The following MAST4 variants were observed in gnomAD, a reference collection of about 807,000 sequenced individuals.
MAST4 encodes the protein microtubule associated serine/threonine kinase family member 4.
Under a neutral mutation model 162.7 loss-of-function variants are expected in MAST4, and 89 were observed. The ratio of observed to expected loss-of-function variants is 0.55; its 90% CI spans 0.46 to 0.65. The LOEUF is 0.65. MAST4 is among the 30% of genes least tolerant of loss of function. The probability of loss-of-function intolerance (pLI) is 0.00; values close to 1 mark genes in which losing one functional copy is unlikely to be tolerated. For missense variants in MAST4, 3,153 were observed against 3,374.0 expected, an observed-to-expected ratio of 0.93 and a Z score of 1.62; for synonymous variants, 1,479 against 1,361.1, an observed-to-expected ratio of 1.09 and a Z score of -1.91.
chr5:66,772,259 T>G (rs997983031), intron 2 of MAST4, among the ~76,000 whole-genome samples: 1 of 152,098 alleles, frequency 6.6e-6, no homozygotes, highest in Non-Finnish European at 1.5e-5. Flanking sequence ...ATTTACAGAG[T>G]TGGACATAGG....
chr5:67,124,469 TAAAAG>T lies in MAST4; in HGVS notation c.1745+3369_1745+3373del, dbSNP rs1467059631. Among the ~76,000 whole-genome samples the T allele has an allele frequency of 1.1e-4, 17 of 152,038 alleles. 1 individual carries two copies. Among genetic ancestry groups the T allele is most frequent in the African/African-American group, 2.4e-5 (1 of 41,460 alleles). On this transcript the variant is annotated intron_variant, in intron 14 of 28. Coordinates refer to ENST00000403625, the MANE Select transcript of MAST4 (RefSeq NM_001164664.2). The stretch of plus-strand genomic sequence containing the variant: ...TTTAAGCACATTTGGAACATCAACT[TAAAAG>T]AGAAAAGGTGTATGTGAGAGACAAC...
intron 5 of MAST4, among the ~76,000 whole-genome samples, chr5:67,065,069 G>A (rs2150619693): frequency 6.6e-6 from 1 of 152,214 alleles, no homozygotes; most frequent in South Asian, 2.1e-4. Context: ...AAATGACAAT[G>A]TATTAGTATA....
At chr5:67,121,663 A>G (rs983457685) in intron 14 of MAST4, among the ~76,000 whole-genome samples, 2 of 150,732 alleles carry the variant, frequency 1.3e-5, no homozygotes, top group African/African-American at 4.9e-5. Flanking sequence ...AACACGAACA[A>G]CAGCTGATGA....
chr5:67,019,870 C>T (rs182128891), intron 4 of MAST4, among the ~76,000 whole-genome samples: 48 of 152,178 alleles, frequency 3.2e-4, no homozygotes, highest in African/African-American at 1.1e-3. Flanking sequence ...CTTCCAAAAC[C>T]GTCTAGTTGA....
chr5:66,852,065 G>A (rs762829766), intron 3 of MAST4, among the ~76,000 whole-genome samples: 1 of 152,138 alleles, frequency 6.6e-6, no homozygotes, highest in East Asian at 1.9e-4. Flanking sequence ...TGTTATAATG[G>A]AAGTTTACTA....
chr5:67,135,995 T>C (rs539907258), intron 18 of MAST4, among the ~76,000 whole-genome samples: 93 of 152,358 alleles, frequency 6.1e-4, no homozygotes, highest in Middle Eastern at 3.4e-3. Flanking sequence ...TGGGTTTTTT[T>C]TTCTTCTTCA....
In MAST4 at chr5:67,163,608, C is replaced by T. The variant is rs1356616830; in HGVS notation, c.4429C>T (p.Arg1477Trp). The stretch of plus-strand genomic sequence containing the variant: ...GGAGGTGACCCAAGAGGAGGTGCAG[C>T]GGGAGCAGTCCCAGCGGGAGGCGCC... The part of the protein sequence containing the change: ...SLEVTQEEVQ[R>W]EQSQREAPLQ... Residue 1477 changes from arginine to tryptophan, a missense_variant, in exon 29 of 29, where the codon CGG becomes TGG. Arg to Trp is a moderately radical substitution (Grantham distance 101). Around this residue, in one of 7 missense-constraint regions of MAST4, gnomAD observed 1,644 missense variants for 1,495.0 expected, o/e 1.10. Transcript: ENST00000403625. This position sits in a 1 kb window ranked among gnomAD's most constrained non-coding sequence, Gnocchi z 7.0. The T allele has an allele frequency of 6.2e-7, 1 of 1,601,370 alleles. No individual in the cohort carries two copies.
At chr5:67,154,753 G>A (rs1182977097) in intron 26 of MAST4, among the ~76,000 whole-genome samples, 2 of 152,204 alleles carry the variant, frequency 1.3e-5, no homozygotes, top group African/African-American at 2.4e-5. Flanking sequence ...CATCCTGCCT[G>A]TGTTCATAAA....
chr5:67,005,035 CTT>C (rs1434554016), intron 4 of MAST4: 1 of 775,012 alleles, frequency 1.3e-6, no homozygotes. Flanking sequence ...TGCTCTCAAA[CTT>C]TACTTTGCCT....
chr5:66,651,915 A>C (rs1363084304), intron 1 of MAST4, among the ~76,000 whole-genome samples: 1 of 152,190 alleles, frequency 6.6e-6, no homozygotes, highest in African/African-American at 2.4e-5. Flanking sequence ...CTCTACATGG[A>C]GTGAGCAAAA....
intron 4 of MAST4, among the ~76,000 whole-genome samples, chr5:66,989,330 A>G (rs1053532125): frequency 6.6e-6 from 1 of 152,186 alleles, no homozygotes; most frequent in African/African-American, 2.4e-5. Context: ...GAAGTCAGTT[A>G]TTCTCATCAA....
intron 4 of MAST4, among the ~76,000 whole-genome samples, chr5:66,924,227 T>G (rs1764727573): frequency 6.6e-6 from 1 of 152,194 alleles, no homozygotes; most frequent in Non-Finnish European, 1.5e-5. Context: ...CTTTCTGAAC[T>G]TCTTTGGATC....
At chr5:66,938,399 A>G (rs1457438546) in intron 4 of MAST4, among the ~76,000 whole-genome samples, 3 of 152,200 alleles carry the variant, frequency 2.0e-5, no homozygotes, top group African/African-American at 7.2e-5. Context: ...TGCTATCCAG[A>G]AAGAGAAAAT....
intron 4 of MAST4, among the ~76,000 whole-genome samples, 192 bp from the exon 5 acceptor site, chr5:67,054,212 T>C (rs1053852525): frequency 6.6e-6 from 1 of 152,214 alleles, no homozygotes; most frequent in African/African-American, 2.4e-5. Context: ...TTGTGCTATA[T>C]GAATACATTA....
At chr5:66,669,120 A>G (rs1320865260) in intron 1 of MAST4, among the ~76,000 whole-genome samples, 1 of 152,208 alleles carries the variant, frequency 6.6e-6, no homozygotes, top group East Asian at 1.9e-4. Flanking sequence ...AAACTGTAAA[A>G]TCAGCATGAG....
chr5:66,840,729 A>T (rs1455091025), intron 3 of MAST4, among the ~76,000 whole-genome samples: 1 of 152,180 alleles, frequency 6.6e-6, no homozygotes, highest in Non-Finnish European at 1.5e-5. Flanking sequence ...TGAGAAGAAT[A>T]TACCCAGGGT....
rs187000510 is a variant in MAST4 at position 66,871,155 on chromosome 5, A to G, written c.643-28796A>G. Reference sequence around the variant, plus strand: ...GTACCAGTGTGACATCCCCGAACTCAGAGCTGGGAAGAGAGGCCCAGTGGA... The same window carrying G: ...GTACCAGTGTGACATCCCCGAACTCGGAGCTGGGAAGAGAGGCCCAGTGGA... On this transcript the variant is annotated intron_variant, in intron 3 of 28. Transcript: ENST00000403625. Among the ~76,000 whole-genome samples, 3 of 152,266 alleles carry G rather than the reference A, an allele frequency of 2.0e-5. No homozygotes were observed. The East Asian group carries it at 5.8e-4, about 29-fold the overall frequency.
chr5:67,163,719 G>T lies in MAST4; in HGVS notation c.4540G>T (p.Val1514Phe). The change falls in exon 29 of 29, where the codon GTC becomes TTC. Residue 1514 changes from valine to phenylalanine, a missense_variant. By Grantham distance (50) the Val-to-Phe change is conservative. Coordinates refer to ENST00000403625, the MANE Select transcript of MAST4 (RefSeq NM_001164664.2). The surrounding 1 kb of genome is among the most constrained non-coding windows in gnomAD (Gnocchi z 7.0). The stretch of plus-strand genomic sequence containing the variant: ...GGAGCAAGGCTGCCTGAAACGCCCA[G>T]TCTCCCGGAAGGTGGGCCGCCAGGA... ...PVEQGCLKRP[V>F]SRKVGRQESV... 6.2e-7 allele frequency: 1 copy of T among 1,608,844 alleles called. No homozygotes were observed. Among genetic ancestry groups the T allele is most frequent in the African/African-American group, 1.3e-5 (1 of 74,976 alleles).
At chr5:66,970,330 G>T (rs184128204) in intron 4 of MAST4, among the ~76,000 whole-genome samples, 279 of 152,322 alleles carry the variant, frequency 1.8e-3, no homozygotes, top group African/African-American at 6.4e-3. Flanking sequence ...GGAAGGGCAA[G>T]CATAATAAAC....
Sources: allele counts gnomAD v4.1 joint callset (sites outside exome capture counted in the v4.1 genomes callset), GRCh38; gene constraint gnomAD v4.1.1; regional missense constraint gnomAD v4.1.1; non-coding constraint Gnocchi (gnomAD v3.1); transcripts MANE v1.5; gene names NCBI Gene and HGNC (gene_info 2026-07-23, HGNC 2026-07-21).